The following COL25A1 variants were observed in gnomAD, a reference collection of about 807,000 sequenced individuals.
The protein encoded by COL25A1 is collagen alpha-1(XXV) chain.
In COL25A1, 103 loss-of-function variants were observed where a neutral mutation model predicts 128.4. The ratio of observed to expected loss-of-function variants is 0.80; its 90% CI spans 0.68 to 0.94. COL25A1 has a LOEUF of 0.94. COL25A1 is among the 40% of genes least tolerant of loss of function. The pLI, the probability that COL25A1 is intolerant of heterozygous loss-of-function variation, is 0.00. For synonymous variants in COL25A1, 279 were observed against 277.2 expected, an observed-to-expected ratio of 1.01 and a Z score of -0.06; for missense variants, 745 against 840.0, an observed-to-expected ratio of 0.89 and a Z score of 1.40.
chr4:109,070,179 A>G (rs1285571228), intron 3 of COL25A1, among the ~76,000 whole-genome samples: 1 of 151,550 alleles, frequency 6.6e-6, no homozygotes, highest in Non-Finnish European at 1.5e-5. Flanking sequence ...AATGGCATGA[A>G]CCCAAGAGTT....
At chr4:109,158,825 G>A (rs1772276620) in intron 3 of COL25A1, among the ~76,000 whole-genome samples, 1 of 152,176 alleles carries the variant, frequency 6.6e-6, no homozygotes, top group Admixed American at 6.5e-5. Context: ...AAATGGTTAT[G>A]TGTTGAACAC....
At chr4:108,834,845 C>T (rs1733596856) in intron 31 of COL25A1, among the ~76,000 whole-genome samples, 2 of 152,214 alleles carry the variant, frequency 1.3e-5, no homozygotes, top group South Asian at 2.1e-4. Flanking sequence ...GAAGAAAGAG[C>T]TCTGGTTATA....
chr4:108,941,281 T>A, intron 9 of COL25A1, 85 bp downstream of exon 9: 1 of 1,092,646 alleles, frequency 9.2e-7, no homozygotes, highest in East Asian at 2.4e-5. Context: ...ACCCCACCCA[T>A]AAGAGATAAA....
intron 3 of COL25A1, among the ~76,000 whole-genome samples, chr4:109,285,139 G>A (rs142308991): frequency 3.9e-5 from 6 of 152,168 alleles, no homozygotes; most frequent in Non-Finnish European, 5.9e-5. Flanking sequence ...ACCTCTGAAT[G>A]AATTAAGGGA....
At chr4:109,254,472 TATA>T (rs1560936639) in intron 3 of COL25A1, among the ~76,000 whole-genome samples, 3 of 82,942 alleles carry the variant, frequency 3.6e-5, no homozygotes, top group African/African-American at 2.5e-4. Context: ...CATATGTTTA[TATA>T]TATATATATA....
At chr4:108,859,405 T>C (rs1736899287) in intron 24 of COL25A1, among the ~76,000 whole-genome samples, 1 of 152,054 alleles carries the variant, frequency 6.6e-6, no homozygotes, top group African/African-American at 2.4e-5. Context: ...ACAAGGTTTA[T>C]CCCTCATAAG....
At chr4:109,279,627 T>C (rs543072842) in intron 3 of COL25A1, among the ~76,000 whole-genome samples, 1 of 152,196 alleles carries the variant, frequency 6.6e-6, no homozygotes, top group African/African-American at 2.4e-5. Flanking sequence ...AGAAATAAAC[T>C]GTGAGTTTTG....
intron 3 of COL25A1, among the ~76,000 whole-genome samples, chr4:109,254,483 A>ATGTG (rs1780927858): frequency 2.7e-4 from 26 of 97,652 alleles, no homozygotes; most frequent in Non-Finnish European, 4.2e-4. Context: ...ATATATATAT[A>ATGTG]TATATATATA....
intron 6 of COL25A1, among the ~76,000 whole-genome samples, chr4:108,988,702 G>A (rs984181793): frequency 6.6e-6 from 1 of 152,148 alleles, no homozygotes; most frequent in African/African-American, 2.4e-5. Flanking sequence ...CTGAAACCAT[G>A]GCAAATGCTG....
At chr4:108,816,097 T>A (rs10030360) in intron 37 of COL25A1, among the ~76,000 whole-genome samples, 119,550 of 152,120 alleles carry the variant, frequency 0.79, 47,072 homozygotes, top group East Asian at 0.88. Context: ...GAAGAAGAAT[T>A]TGATGATAGG....
chr4:109,014,137 T>A (rs2126052453), intron 5 of COL25A1, among the ~76,000 whole-genome samples: 1 of 152,164 alleles, frequency 6.6e-6, no homozygotes, highest in Admixed American at 6.5e-5. Context: ...TGAAACCCCG[T>A]CTCTACTAAA....
intron 8 of COL25A1, among the ~76,000 whole-genome samples, chr4:108,967,728 T>G (rs1158997909): frequency 6.6e-6 from 1 of 152,192 alleles, no homozygotes; most frequent in Non-Finnish European, 1.5e-5. Flanking sequence ...TAGAAAAGTA[T>G]CCAGCAAGTT....
intron 6 of COL25A1, among the ~76,000 whole-genome samples, chr4:108,983,404 T>TA (rs1480418440): frequency 6.6e-6 from 1 of 152,244 alleles, no homozygotes; most frequent in Non-Finnish European, 1.5e-5. Flanking sequence ...TTCATGTTTA[T>TA]ACCTTGGGTT....
chr4:108,955,046 T>C (rs6851195), intron 8 of COL25A1, among the ~76,000 whole-genome samples: 6,626 of 152,068 alleles, frequency 0.044, 371 homozygotes, highest in African/African-American at 0.13. Flanking sequence ...AAGTGACCAG[T>C]TCTACCACCT....
chr4:109,161,953 G>A (rs114152986), intron 3 of COL25A1, among the ~76,000 whole-genome samples: 2 of 152,040 alleles, frequency 1.3e-5, no homozygotes. Context: ...TGAATCATTC[G>A]GCAGCGCACT....
chr4:109,111,198 G>T (rs918904979), intron 3 of COL25A1, among the ~76,000 whole-genome samples: 1 of 152,104 alleles, frequency 6.6e-6, no homozygotes, highest in African/African-American at 2.4e-5. Context: ...CTGCAGGAAA[G>T]GTCTTCTCTT....
chr4:108,893,188 G>T (rs75431507), intron 16 of COL25A1, among the ~76,000 whole-genome samples: 10 of 152,068 alleles, frequency 6.6e-5, no homozygotes, highest in Non-Finnish European at 1.2e-4. Flanking sequence ...AATACACATA[G>T]GAATGGAAAT....
chr4:109,254,490 T>TATATATATATATATATATATAC (rs1780933605), intron 3 of COL25A1, among the ~76,000 whole-genome samples: 1 of 115,484 alleles, frequency 8.7e-6, no homozygotes, highest in South Asian at 2.5e-4. Context: ...TATATATATA[T>TATATATATATATATATATATAC]ATATATATAT....
intron 14 of COL25A1, 142 bp from the exon 15 acceptor site, chr4:108,899,322 G>T: frequency 1.7e-6 from 1 of 601,400 alleles, no homozygotes; most frequent in Non-Finnish European, 2.9e-6. Flanking sequence ...GTTGCTATAT[G>T]AAAACAAATG....
Sources: allele counts gnomAD v4.1 joint callset (sites outside exome capture counted in the v4.1 genomes callset), GRCh38; gene constraint gnomAD v4.1.1; transcripts MANE v1.5; gene names NCBI Gene and HGNC (gene_info 2026-07-23, HGNC 2026-07-21).